XYLB: variants seen among roughly 807,000 people sequenced by gnomAD.
XYLB encodes the protein xylulokinase.
Under a neutral mutation model 78.7 loss-of-function variants are expected in XYLB, and 62 were observed. The observed-to-expected ratio is 0.79, with a 90% CI of 0.64 to 0.97. XYLB has a LOEUF of 0.97. Ranked by LOEUF, XYLB falls within the 50% of genes least tolerant of loss-of-function variation. The pLI, the probability that XYLB is intolerant of heterozygous loss-of-function variation, is 0.00. For synonymous variants in XYLB, 245 were observed against 247.4 expected (o/e 0.99, Z 0.09); for missense variants, 687 against 676.8 (o/e 1.02, Z -0.17).
intron 18 of XYLB, among the ~76,000 whole-genome samples, chr3:38,404,356 A>G (rs962010779): frequency 1.3e-5 from 2 of 152,192 alleles, no homozygotes; most frequent in East Asian, 1.9e-4. Flanking sequence ...AAAGGAATTT[A>G]TCTCCCTAAG....
intron 7 of XYLB, 138 bp from the exon 8 acceptor site, chr3:38,368,047 C>A: frequency 1.3e-6 from 1 of 752,414 alleles, no homozygotes; most frequent in South Asian, 1.6e-5. Context: ...TGCACAGTCT[C>A]CACCATTACT....
intron 15 of XYLB, among the ~76,000 whole-genome samples, chr3:38,393,880 G>T (rs1330801659): frequency 2.0e-5 from 3 of 152,144 alleles, no homozygotes; most frequent in Non-Finnish European, 4.4e-5. Flanking sequence ...CTGAGAAACT[G>T]GGGTTTAGGA....
intron 13 of XYLB, among the ~76,000 whole-genome samples, chr3:38,376,640 T>A (rs1003933369): frequency 6.6e-6 from 1 of 152,182 alleles, no homozygotes; most frequent in Non-Finnish European, 1.5e-5. Flanking sequence ...AAACCTGTTT[T>A]GATATTTTAG....
At chr3:38,374,361 G>A in intron 10 of XYLB, 101 bp from the exon 11 acceptor site, 1 of 1,553,934 alleles carries the variant, frequency 6.4e-7, no homozygotes, top group East Asian at 2.3e-5. Context: ...GTGGGTGGGG[G>A]TTGGAGGTGG....
chr3:38,353,039 G>A (rs1319918189), intron 2 of XYLB, among the ~76,000 whole-genome samples: 4 of 152,028 alleles, frequency 2.6e-5, no homozygotes, highest in Non-Finnish European at 5.9e-5. Context: ...CCAAGTTGTC[G>A]CTATTATTGC....
intron 15 of XYLB, among the ~76,000 whole-genome samples, chr3:38,385,470 A>G (rs1707343338): frequency 6.6e-6 from 1 of 151,814 alleles, no homozygotes. Context: ...CTACTTTATG[A>G]ATTTTTTCTT....
At chr3:38,399,379 T>C (rs772858476) in intron 17 of XYLB, among the ~76,000 whole-genome samples, 1 of 152,096 alleles carries the variant, frequency 6.6e-6, no homozygotes, top group African/African-American at 2.4e-5. Flanking sequence ...ATTACAGGCA[T>C]GAATCCTAGT....
intron 18 of XYLB, among the ~76,000 whole-genome samples, chr3:38,402,881 C>T (rs576760951): frequency 5.3e-5 from 8 of 152,078 alleles, no homozygotes; most frequent in East Asian, 1.9e-4. Context: ...TTAAAATATT[C>T]GGTTGCCTCA....
chr3:38,375,881 G>A (rs1706827160), intron 12 of XYLB, among the ~76,000 whole-genome samples: 1 of 152,184 alleles, frequency 6.6e-6, no homozygotes, highest in Admixed American at 6.5e-5. Flanking sequence ...CTCTGTGTCA[G>A]CCTCCTGTGT....
At chr3:38,435,389 A>T in the XYLB span, among the ~76,000 whole-genome samples, 18 of 152,182 alleles carry the variant, frequency 1.2e-4, no homozygotes, top group Non-Finnish European at 1.9e-4. Context: ...TAGCAAGAGG[A>T]TATAACAGTT....
the XYLB span, among the ~76,000 whole-genome samples, chr3:38,447,164 G>GA: frequency 1.4e-4 from 21 of 152,212 alleles, no homozygotes; most frequent in African/African-American, 5.1e-4. Context: ...AACAGCATAT[G>GA]AAAAAATGCT....
intron 15 of XYLB, among the ~76,000 whole-genome samples, chr3:38,383,779 C>T (rs368740712): frequency 8.5e-5 from 13 of 152,176 alleles, no homozygotes; most frequent in Non-Finnish European, 1.3e-4. Context: ...GGCGACAGAG[C>T]GAGACCATGT....
At chr3:38,432,744 C>T in the XYLB span, among the ~76,000 whole-genome samples, 1 of 152,260 alleles carries the variant, frequency 6.6e-6, no homozygotes, top group Non-Finnish European at 1.5e-5. Context: ...CTATTTCTCA[C>T]ATCCAGGTCA....
downstream of XYLB, among the ~76,000 whole-genome samples, chr3:38,417,062 C>T (rs1057332825): frequency 2.0e-5 from 3 of 152,166 alleles, no homozygotes; most frequent in East Asian, 1.9e-4. Flanking sequence ...ATACATATAA[C>T]GATATAAGTG....
intron 2 of XYLB, chr3:38,355,646 A>C: frequency 1.4e-6 from 1 of 690,460 alleles, no homozygotes; most frequent in East Asian, 2.7e-5. Context: ...TAGCCAGTGG[A>C]ATATAAGAAA....
downstream of XYLB, among the ~76,000 whole-genome samples, chr3:38,424,954 A>T (rs1406278736): frequency 1.3e-5 from 2 of 152,226 alleles, no homozygotes; most frequent in Non-Finnish European, 2.9e-5. Context: ...AATTTAACCC[A>T]TGTTAATGCC....
the XYLB span, among the ~76,000 whole-genome samples, chr3:38,430,252 C>T: frequency 6.6e-6 from 1 of 152,232 alleles, no homozygotes; most frequent in Non-Finnish European, 1.5e-5. Context: ...GCCATTCTAA[C>T]TGGCGTGAGA....
intron 17 of XYLB, among the ~76,000 whole-genome samples, chr3:38,397,526 C>G (rs763459478): frequency 2.6e-5 from 4 of 152,130 alleles, no homozygotes; most frequent in Admixed American, 6.5e-5. Flanking sequence ...TCAGCAAGAA[C>G]AGAAGTTGAA....
At chr3:38,426,051 A>G (rs988615240), downstream of XYLB, among the ~76,000 whole-genome samples, 1 of 152,182 alleles carries the variant, frequency 6.6e-6, no homozygotes, top group Non-Finnish European at 1.5e-5. Flanking sequence ...AGATTCTGAG[A>G]TGCTCTCAGT....
Sources: gnomAD v4.1 joint callset for allele counts (sites outside exome capture counted in the v4.1 genomes callset) on GRCh38, gnomAD v4.1.1 for gene constraint, MANE v1.5 for transcripts, NCBI Gene and HGNC (gene_info 2026-07-23, HGNC 2026-07-21) for gene names.